The following UNC13C variants were observed in gnomAD, a reference collection of about 807,000 sequenced individuals.
UNC13C encodes the protein unc-13 homolog C, also known as protein unc-13 homolog C.
UNC13C carries 174 observed loss-of-function variants against 245.4 expected under a neutral mutation model. The observed-to-expected ratio is 0.71, with a 90% CI of 0.63 to 0.80. The LOEUF is 0.80. Among genes scored for constraint, UNC13C ranks in the 30% least tolerant of loss-of-function variants. The pLI, the probability that UNC13C is intolerant of heterozygous loss-of-function variation, is 0.00. For synonymous variants in UNC13C, 992 were observed against 895.1 expected (o/e 1.11, Z -1.93); for missense variants, 2,829 against 2,602.9 (o/e 1.09, Z -1.89).
chr15:54,160,593 G>C (rs1443714460), intron 4 of UNC13C, among the ~76,000 whole-genome samples: 1 of 151,986 alleles, frequency 6.6e-6, no homozygotes, highest in African/African-American at 2.4e-5. Context: ...ATAAGACTCT[G>C]ATGTCTGGAA....
At chr15:54,455,238 T>TATATATATA (rs1416569966) in intron 19 of UNC13C, among the ~76,000 whole-genome samples, 2 of 70,152 alleles carry the variant, frequency 2.9e-5, no homozygotes, top group Admixed American at 1.7e-4. Flanking sequence ...TATATATATA[T>TATATATATA]GTTTTTTAAT....
the UNC13C span, among the ~76,000 whole-genome samples, chr15:53,847,279 T>C: frequency 6.6e-6 from 1 of 151,964 alleles, no homozygotes; most frequent in Non-Finnish European, 1.5e-5. Context: ...ATCAAGAACA[T>C]GGAAGATGTT....
intron 30 of UNC13C, among the ~76,000 whole-genome samples, chr15:54,596,719 C>G (rs1304081711): frequency 6.6e-6 from 1 of 152,108 alleles, no homozygotes; most frequent in Non-Finnish European, 1.5e-5. Flanking sequence ...TGGTTTGCTG[C>G]CCTCCCCATG....
intron 24 of UNC13C, among the ~76,000 whole-genome samples, chr15:54,513,250 A>G (rs1283541968): frequency 6.6e-6 from 1 of 152,214 alleles, no homozygotes; most frequent in Non-Finnish European, 1.5e-5. Flanking sequence ...TATTGATTTC[A>G]TGTGGGAAAT....
chr15:54,226,643 G>A (rs2035392793), intron 4 of UNC13C, among the ~76,000 whole-genome samples: 2 of 152,204 alleles, frequency 1.3e-5, no homozygotes, highest in Non-Finnish European at 1.5e-5. Context: ...GTGGCAAGGG[G>A]TGTGTTGGAG....
intron 7 of UNC13C, among the ~76,000 whole-genome samples, chr15:54,239,974 T>C (rs191412911): frequency 1.0e-3 from 154 of 152,342 alleles, no homozygotes; most frequent in African/African-American, 3.6e-3. Flanking sequence ...TGGTATTTGA[T>C]TTGAACTATG....
At chr15:53,981,028 G>A (rs947731799) in intron 1 of UNC13C, among the ~76,000 whole-genome samples, 8 of 152,148 alleles carry the variant, frequency 5.3e-5, no homozygotes, top group African/African-American at 1.9e-4. Context: ...GGGGTTGGGA[G>A]GAAGGTCAGT....
intron 4 of UNC13C, among the ~76,000 whole-genome samples, chr15:54,169,893 C>T (rs2033323624): frequency 6.6e-6 from 1 of 152,060 alleles, no homozygotes; most frequent in Admixed American, 6.6e-5. Flanking sequence ...GAACATTTCG[C>T]AGTTTATGAA....
intron 30 of UNC13C, among the ~76,000 whole-genome samples, chr15:54,608,300 T>C (rs79206327): frequency 0.014 from 2,153 of 152,308 alleles, 52 homozygotes; most frequent in African/African-American, 0.048. Flanking sequence ...TTTCAACCAG[T>C]GTCACCTCAT....
chr15:54,205,589 A>T (rs1325761590), intron 4 of UNC13C, among the ~76,000 whole-genome samples: 1 of 152,038 alleles, frequency 6.6e-6, no homozygotes, highest in Non-Finnish European at 1.5e-5. Context: ...GATGGGTCAA[A>T]TCCTAGCTCT....
chr15:53,898,206 C>CAT, the UNC13C span, among the ~76,000 whole-genome samples: 15 of 150,880 alleles, frequency 9.9e-5, no homozygotes, highest in Non-Finnish European at 1.8e-4. Context: ...ACCACCACCA[C>CAT]CATCATCATC....
chr15:54,434,266 G>A (rs1318142059), intron 19 of UNC13C, among the ~76,000 whole-genome samples: 4 of 151,588 alleles, frequency 2.6e-5, no homozygotes, highest in Non-Finnish European at 4.4e-5. Context: ...ACAAAAAAAA[G>A]CCCATATAGC....
chr15:54,425,167 G>C (rs1213004759), intron 19 of UNC13C, among the ~76,000 whole-genome samples: 1 of 151,792 alleles, frequency 6.6e-6, no homozygotes, highest in African/African-American at 2.4e-5. Context: ...GTAAACCTTA[G>C]TACCATCACT....
At chr15:54,552,616 T>TTA (rs1157382877) in intron 28 of UNC13C, among the ~76,000 whole-genome samples, 1 of 72,718 alleles carries the variant, frequency 1.4e-5, no homozygotes, top group Non-Finnish European at 2.2e-5. Context: ...AATTATATAA[T>TTA]TATATTATAT....
chr15:54,216,279 A>C (rs559276530), intron 4 of UNC13C, among the ~76,000 whole-genome samples: 1 of 152,084 alleles, frequency 6.6e-6, no homozygotes, highest in African/African-American at 2.4e-5. Flanking sequence ...CATCCTTAAA[A>C]TACAAAAATA....
At chr15:53,900,730 C>G in the UNC13C span, among the ~76,000 whole-genome samples, 1 of 152,092 alleles carries the variant, frequency 6.6e-6, no homozygotes, top group African/African-American at 2.4e-5. Flanking sequence ...CTTTTAAAGA[C>G]TCAGATCAAT....
At chr15:54,149,035 C>T (rs62009990) in intron 4 of UNC13C, among the ~76,000 whole-genome samples, 43,639 of 151,944 alleles carry the variant, frequency 0.29, 6,504 homozygotes, top group African/African-American at 0.35. Context: ...CAGTTTCCCC[C>T]AGGCTGTTCT....
chr15:53,969,893 A>G, the UNC13C span, among the ~76,000 whole-genome samples: 4 of 152,094 alleles, frequency 2.6e-5, no homozygotes, highest in Middle Eastern at 3.4e-3. Flanking sequence ...GCTCCTGACA[A>G]CCACTCTTCT....
At chr15:54,457,607 C>T (rs779055800) in intron 19 of UNC13C, among the ~76,000 whole-genome samples, 7 of 151,894 alleles carry the variant, frequency 4.6e-5, no homozygotes, top group Non-Finnish European at 1.0e-4. Context: ...ATTTAGGAGG[C>T]TTGCATCTTT....
Sources: allele counts gnomAD v4.1 joint callset (sites outside exome capture counted in the v4.1 genomes callset), GRCh38; gene constraint gnomAD v4.1.1; transcripts MANE v1.5; gene names NCBI Gene and HGNC (gene_info 2026-07-23, HGNC 2026-07-21).